Variants in SYTL5 observed in about 807,000 individuals in gnomAD.
SYTL5 encodes the protein synaptotagmin like 5.
Under a neutral mutation model 55.9 loss-of-function variants are expected in SYTL5, and 34 were observed. The observed-to-expected ratio is 0.61, with a 90% confidence interval of 0.46 to 0.81. SYTL5 has a LOEUF of 0.81. Among genes scored for constraint, SYTL5 ranks in the 30% least tolerant of loss-of-function variants. The pLI, the probability that SYTL5 is intolerant of heterozygous loss-of-function variation, is 0.00. For synonymous variants in SYTL5, 221 were observed against 188.7 expected (o/e 1.17, Z -1.40); for missense variants, 637 against 546.7 (o/e 1.17, Z -1.65).
At chrX:38,037,536 A>G (rs778874749) in intron 2 of SYTL5, among the ~76,000 whole-genome samples, 2 of 111,964 alleles carry the variant, frequency 1.8e-5, no homozygotes, top group South Asian at 3.7e-4. Context: ...TTTACAAGCT[A>G]TGATCTTCCC....
chrX:38,118,920 AATAT>A (rs61288420), intron 13 of SYTL5, among the ~76,000 whole-genome samples: 33,593 of 88,692 alleles, frequency 0.38, 7,040 homozygotes, highest in African/African-American at 0.73. Flanking sequence ...ATGCCCAGCT[AATAT>A]ATATATATAT....
At position 38,072,060 on chromosome X, in the gene SYTL5, A is replaced by AT. The variant is rs1404013704; in HGVS notation, c.344dup (p.Thr116AsnfsTer3). The AT allele has an allele frequency of 8.3e-7, 1 of 1,205,127 alleles. No individual in the cohort carries two copies. Among genetic ancestry groups the AT allele is most frequent in the Non-Finnish European group, 1.1e-6 (1 of 890,933 alleles). On this transcript the variant is annotated frameshift_variant, in exon 4 of 17. Coordinates refer to ENST00000297875, the MANE Select transcript of SYTL5 (RefSeq NM_138780.3). LOFTEE classifies it high-confidence loss of function. ...TCCCTTGAGTAGGCAGCTAAGGATT[A>AT]TAACTGGTGAGTGGTTTTTTGAAGA...
chrX:37,979,398 T>G, the SYTL5 span, among the ~76,000 whole-genome samples: 3 of 107,409 alleles, frequency 2.8e-5, no homozygotes, highest in Non-Finnish European at 3.8e-5. Context: ...TCTAGCTATC[T>G]GCTTCTGAAC....
chrX:38,126,144 A>G (rs1937638961), intron 16 of SYTL5, among the ~76,000 whole-genome samples: 1 of 111,860 alleles, frequency 8.9e-6, no homozygotes, highest in South Asian at 3.7e-4. Flanking sequence ...AGCATACACC[A>G]TGGTAAACAT....
chrX:37,940,702 T>A, the SYTL5 span, among the ~76,000 whole-genome samples: 1 of 109,383 alleles, frequency 9.1e-6, no homozygotes, highest in African/African-American at 3.3e-5. Context: ...GTAAAATTTA[T>A]TGGAAGTCAG....
intron 3 of SYTL5, among the ~76,000 whole-genome samples, chrX:38,057,236 G>C (rs1354317977): frequency 9.0e-6 from 1 of 111,654 alleles, no homozygotes; most frequent in African/African-American, 3.3e-5. Flanking sequence ...TTGTTGAAGA[G>C]ACTCTCCTTT....
chrX:38,120,555 T>C (rs765403712), intron 14 of SYTL5, 89 bp downstream of exon 14: 1 of 703,281 alleles, frequency 1.4e-6, no homozygotes, highest in Admixed American at 2.4e-5. Context: ...ATTATATTTC[T>C]TTCATATTAC....
chrX:38,003,869 G>T (rs140757281), upstream of SYTL5, among the ~76,000 whole-genome samples: 1 of 111,255 alleles, frequency 9.0e-6, no homozygotes, highest in African/African-American at 3.3e-5. Flanking sequence ...TTCTCTTTTG[G>T]GTATAAGCCA....
chrX:38,050,295 A>G (rs1569168417), intron 2 of SYTL5, among the ~76,000 whole-genome samples: 1 of 112,162 alleles, frequency 8.9e-6, no homozygotes, highest in East Asian at 2.8e-4. Flanking sequence ...AATGAAAGCA[A>G]TTCCTGATTT....
At chrX:37,950,490 A>C in the SYTL5 span, among the ~76,000 whole-genome samples, 1 of 111,897 alleles carries the variant, frequency 8.9e-6, no homozygotes, top group Non-Finnish European at 1.9e-5. Flanking sequence ...AGCAGGATAT[A>C]TCTTTATTTA....
intron 1 of SYTL5, among the ~76,000 whole-genome samples, chrX:38,008,587 T>C (rs1934071211): frequency 1.8e-5 from 2 of 111,730 alleles, no homozygotes; most frequent in Admixed American, 1.9e-4. Context: ...ATAATAAACA[T>C]GTAGTGTACT....
chrX:37,938,663 C>T, the SYTL5 span, among the ~76,000 whole-genome samples: 3 of 111,259 alleles, frequency 2.7e-5, no homozygotes, highest in Non-Finnish European at 5.7e-5. Flanking sequence ...TCCTTCCTTC[C>T]CTCTTCAGCC....
At chrX:37,978,782 G>T in the SYTL5 span, among the ~76,000 whole-genome samples, 1 of 110,867 alleles carries the variant, frequency 9.0e-6, no homozygotes, top group South Asian at 3.8e-4. Context: ...CTGAGAAAAA[G>T]CTTCAAAGAT....
intron 1 of SYTL5, among the ~76,000 whole-genome samples, chrX:38,012,146 G>A (rs780491651): frequency 8.9e-6 from 1 of 112,026 alleles, no homozygotes; most frequent in Non-Finnish European, 1.9e-5. Flanking sequence ...GAAACACTCT[G>A]TTCCTACAAT....
the SYTL5 span, among the ~76,000 whole-genome samples, chrX:37,912,105 A>G: frequency 3.6e-5 from 4 of 112,150 alleles, no homozygotes; most frequent in Admixed American, 3.8e-4. Flanking sequence ...GTTATGCCAG[A>G]TGTATAGGGC....
At chrX:37,953,065 C>T in the SYTL5 span, among the ~76,000 whole-genome samples, 1 of 111,397 alleles carries the variant, frequency 9.0e-6, no homozygotes, top group African/African-American at 3.3e-5. Context: ...TTTATATTCA[C>T]TCTGGAGCGA....
At position 38,086,200 on chromosome X, in the gene SYTL5, G is replaced by T. The variant is rs141126705; in HGVS notation, c.690-3246G>T. Among the ~76,000 whole-genome samples the T allele has an allele frequency of 1.7e-3, 187 of 111,442 alleles. 1 individual carries two copies. Among genetic ancestry groups the T allele is most frequent in the Non-Finnish European group, 2.5e-3 (133 of 53,090 alleles). On this transcript the variant is annotated intron_variant, in intron 6 of 16. Coordinates refer to ENST00000297875, the MANE Select transcript of SYTL5 (RefSeq NM_138780.3). ...GTATGGCCCATGTTCCATGAGAAGG[G>T]CCAGGGGCTCAGATGTTTTTCATAG...
At chrX:37,954,350 GGGCTGT>G in the SYTL5 span, among the ~76,000 whole-genome samples, 26 of 111,810 alleles carry the variant, frequency 2.3e-4, no homozygotes, top group Admixed American at 2.2e-3. Flanking sequence ...CCAGTCTGTA[GGGCTGT>G]GTGATTTTTC....
At chrX:38,028,947 A>G (rs1452597442) in intron 1 of SYTL5, among the ~76,000 whole-genome samples, 1 of 112,010 alleles carries the variant, frequency 8.9e-6, no homozygotes, top group Non-Finnish European at 1.9e-5. Flanking sequence ...TTTATACCAA[A>G]TAAGCCAAAC....
Sources: gnomAD v4.1 joint callset for allele counts (sites outside exome capture counted in the v4.1 genomes callset) on GRCh38, gnomAD v4.1.1 for gene constraint, MANE v1.5 for transcripts, NCBI Gene and HGNC (gene_info 2026-07-23, HGNC 2026-07-21) for gene names.